Variants in BBX observed in about 807,000 individuals in gnomAD.
BBX encodes the protein HMG box transcription factor BBX.
BBX carries 30 observed loss-of-function variants against 100.2 expected under a neutral mutation model. The observed-to-expected ratio is 0.30, with a 90% CI of 0.22 to 0.41. The LOEUF (loss-of-function observed/expected upper bound fraction) is 0.41, where lower values mean the gene tolerates loss of function less well. Ranked by LOEUF, BBX falls within the 10% of genes least tolerant of loss-of-function variation. The pLI is 1.00. For synonymous variants in BBX, 376 were observed against 388.1 expected (o/e 0.97, Z 0.37); for missense variants, 1,023 against 1,129.8 (o/e 0.91, Z 1.35).
chr3:107,573,448 G>A (rs1282739481), intron 2 of BBX, among the ~76,000 whole-genome samples: 1 of 151,982 alleles, frequency 6.6e-6, no homozygotes, highest in African/African-American at 2.4e-5. Flanking sequence ...CCAGCTGCTC[G>A]GGAGGCTGAG....
chr3:107,575,560 G>T (rs1576360898), intron 2 of BBX, among the ~76,000 whole-genome samples: 1 of 152,138 alleles, frequency 6.6e-6, no homozygotes, highest in Non-Finnish European at 1.5e-5. Context: ...GAAGTAAAGT[G>T]CAGGGTAATG....
At chr3:107,752,774 A>C (rs1373203147) in intron 9 of BBX, among the ~76,000 whole-genome samples, 1 of 152,188 alleles carries the variant, frequency 6.6e-6, no homozygotes, top group Non-Finnish European at 1.5e-5. Flanking sequence ...TTTGAGGAAA[A>C]TAAGAAGCAT....
At chr3:107,595,605 G>T (rs1212936725) in intron 2 of BBX, among the ~76,000 whole-genome samples, 1 of 152,160 alleles carries the variant, frequency 6.6e-6, no homozygotes, top group Non-Finnish European at 1.5e-5. Context: ...AATGAATGAT[G>T]ATCAGAGATT....
intron 13 of BBX, 27 bp from the exon 14 acceptor site, chr3:107,789,760 A>T: frequency 7.4e-7 from 1 of 1,353,378 alleles, no homozygotes; most frequent in Non-Finnish European, 1.0e-6. Flanking sequence ...TGAATTTAAA[A>T]TATATTTATA....
At chr3:107,563,569 A>G (rs901203336) in intron 2 of BBX, among the ~76,000 whole-genome samples, 8 of 152,226 alleles carry the variant, frequency 5.3e-5, no homozygotes, top group Admixed American at 4.6e-4. Context: ...TGATGTTTCT[A>G]CTTCACAAGT....
rs2071212480 is a variant in BBX, at chr3:107,809,616, T to A, written c.*4159T>A. The stretch of plus-strand genomic sequence containing the variant: ...TGCTTCTACCTTCAGTGCCACTATT[T>A]TCCACTGCAGTGTTTTGACTTCACA... On this transcript the variant is annotated 3_prime_UTR_variant, in exon 18 of 18. Transcript: ENST00000325805. 6.6e-6 allele frequency: 1 copy of A among 152,236 alleles called. No homozygotes were observed. Among genetic ancestry groups the A allele is most frequent in the Non-Finnish European group, 1.5e-5 (1 of 68,046 alleles). The allele number at this position is 152,236 out of a possible 1,614,324, so 9.4% of individuals were successfully genotyped here. A position where few individuals can be genotyped will look rare whatever the true frequency, so the allele number is the denominator to read the frequency against.
At chr3:107,625,611 T>G (rs2056112328) in intron 2 of BBX, among the ~76,000 whole-genome samples, 1 of 152,210 alleles carries the variant, frequency 6.6e-6, no homozygotes, top group African/African-American at 2.4e-5. Flanking sequence ...TCCATTGAGT[T>G]TTTTAACATC....
chr3:107,790,677 G>A (rs1036186853), intron 14 of BBX, among the ~76,000 whole-genome samples: 2 of 152,102 alleles, frequency 1.3e-5, no homozygotes, highest in Non-Finnish European at 2.9e-5. Context: ...TGTTAGTGTC[G>A]TGACTACCAT....
chr3:107,705,713 G>C (rs776901084), intron 3 of BBX, among the ~76,000 whole-genome samples: 10 of 152,152 alleles, frequency 6.6e-5, no homozygotes, highest in Non-Finnish European at 1.5e-4. Flanking sequence ...AGTAAAGGGT[G>C]GATTTGCCAA....
At chr3:107,635,922 G>A (rs970820130) in intron 2 of BBX, among the ~76,000 whole-genome samples, 2 of 152,050 alleles carry the variant, frequency 1.3e-5, no homozygotes, top group African/African-American at 4.8e-5. Flanking sequence ...ATGTTGGCCA[G>A]GATGGTCTCA....
intron 2 of BBX, among the ~76,000 whole-genome samples, chr3:107,538,512 C>G (rs9837251): frequency 6.6e-6 from 1 of 151,830 alleles, no homozygotes; most frequent in African/African-American, 2.4e-5. Flanking sequence ...TTAGGATGAT[C>G]GATACTTTTC....
chr3:107,542,934 CT>C (rs141499551), intron 2 of BBX, among the ~76,000 whole-genome samples: 18,494 of 152,130 alleles, frequency 0.12, 1,401 homozygotes, highest in Middle Eastern at 0.19. Context: ...GGTAAAAGAG[CT>C]TTTTCTCTAT....
chr3:107,552,200 C>G (rs1319766989), intron 2 of BBX, among the ~76,000 whole-genome samples: 3 of 151,434 alleles, frequency 2.0e-5, no homozygotes, highest in African/African-American at 7.3e-5. Context: ...AAAAGTTAGC[C>G]AGGCATGGTG....
chr3:107,555,502 T>C (rs972797655), intron 2 of BBX, among the ~76,000 whole-genome samples: 8 of 152,190 alleles, frequency 5.3e-5, no homozygotes. Context: ...GTTATGATCA[T>C]GAAGATCAAA....
intron 10 of BBX, among the ~76,000 whole-genome samples, chr3:107,770,989 G>A (rs566571189): frequency 6.6e-6 from 1 of 152,220 alleles, no homozygotes; most frequent in African/African-American, 2.4e-5. Flanking sequence ...TAAAATGATG[G>A]TTTTTAAAAA....
At chr3:107,724,541 T>G (rs1036259651) in intron 5 of BBX, among the ~76,000 whole-genome samples, 2 of 152,160 alleles carry the variant, frequency 1.3e-5, no homozygotes, top group South Asian at 2.1e-4. Flanking sequence ...ATGGTTTCAG[T>G]TCTAACATGT....
Position 107,710,492 on chromosome 3 carries a change from C to T in BBX, c.32C>T (p.Ser11Leu), listed in dbSNP as rs766765527. The T allele has an allele frequency of 6.2e-7, 1 of 1,613,228 alleles. No individual in the cohort carries two copies. The highest frequency in any genetic ancestry group is 1.1e-5 in the South Asian group (1 of 91,002). The change falls in exon 4 of 18, where the codon TCA becomes TTA. Residue 11 changes from serine to leucine, a missense_variant. Around this residue, in one of 9 missense-constraint regions of BBX, gnomAD observed 229 missense variants for 226.3 expected, o/e 1.01. Coordinates refer to ENST00000325805, the MANE Select transcript of BBX (RefSeq NM_001142568.3). ...GGCAGTAATAGAAATAAGGATCATT[C>T]AGCAGAAGGAGAAGGGGTTGGAAAA... MKGSNRNKDHSAEGEGVGKRP... is the reference protein window; with the variant it reads MKGSNRNKDHLAEGEGVGKRP...
intron 14 of BBX, among the ~76,000 whole-genome samples, 154 bp downstream of exon 14, chr3:107,790,030 G>A (rs920893447): frequency 4.6e-5 from 7 of 151,926 alleles, no homozygotes; most frequent in Admixed American, 1.3e-4. Context: ...CATTCTTTCC[G>A]GACTCTGCAG....
chr3:107,691,874 G>A (rs888399521), intron 3 of BBX, among the ~76,000 whole-genome samples: 1 of 152,074 alleles, frequency 6.6e-6, no homozygotes. Context: ...AAGCAACTTC[G>A]CTAAACACTA....
Sources: gnomAD v4.1 joint callset for allele counts (sites outside exome capture counted in the v4.1 genomes callset) on GRCh38, gnomAD v4.1.1 for gene constraint, gnomAD v4.1.1 regional missense constraint, MANE v1.5 for transcripts, NCBI Gene and HGNC (gene_info 2026-07-23, HGNC 2026-07-21) for gene names.